Variants in EXOC6 observed in about 807,000 individuals in gnomAD.
EXOC6 encodes the protein SEC15-like 1.
A neutral mutation model predicts 112.5 loss-of-function variants in EXOC6; 60 were observed. The observed-to-expected ratio is 0.53, with a 90% CI of 0.43 to 0.66. EXOC6 has a LOEUF of 0.66. EXOC6 is among the 30% of genes least tolerant of loss of function. EXOC6 has a pLI of 0.00. For synonymous variants in EXOC6, 295 were observed against 308.0 expected (o/e 0.96, Z 0.44); for missense variants, 855 against 957.1 (o/e 0.89, Z 1.41).
At chr10:93,018,058 A>G (rs1270123698) in intron 20 of EXOC6, among the ~76,000 whole-genome samples, 4 of 151,754 alleles carry the variant, frequency 2.6e-5, no homozygotes, top group Non-Finnish European at 5.9e-5. Context: ...TTTAAAAAAG[A>G]AATACATTCT....
intron 19 of EXOC6, chr10:92,999,378 TAAGCTGA>T (rs1166434997): frequency 3.0e-6 from 1 of 337,448 alleles, no homozygotes; most frequent in African/African-American, 2.3e-5. Flanking sequence ...TATAAGCTTT[TAAGCTGA>T]AAGTAATTTT....
At chr10:92,833,193 T>C (rs1196233693), upstream of EXOC6, among the ~76,000 whole-genome samples, 3 of 152,192 alleles carry the variant, frequency 2.0e-5, no homozygotes, top group African/African-American at 7.2e-5. Context: ...AGTCATTTAG[T>C]ATTGCTCTTG....
intron 9 of EXOC6, among the ~76,000 whole-genome samples, chr10:92,931,407 T>C (rs1852030201): frequency 6.6e-6 from 1 of 151,472 alleles, no homozygotes; most frequent in South Asian, 2.1e-4. Context: ...AGTTGACATA[T>C]AATAATTGTA....
intron 1 of EXOC6, among the ~76,000 whole-genome samples, chr10:92,868,085 A>G (rs1215358969): frequency 6.6e-6 from 1 of 152,088 alleles, no homozygotes; most frequent in African/African-American, 2.4e-5. Flanking sequence ...TATTTTATGA[A>G]ATAAAATTTA....
upstream of EXOC6, among the ~76,000 whole-genome samples, chr10:92,832,221 A>G (rs572280478): frequency 6.6e-6 from 1 of 152,306 alleles, no homozygotes; most frequent in Non-Finnish European, 1.5e-5. Context: ...AGCTTTCACA[A>G]TCATTCATTC....
intron 13 of EXOC6, among the ~76,000 whole-genome samples, chr10:92,947,178 A>C (rs1006150382): frequency 6.6e-6 from 1 of 152,352 alleles, no homozygotes; most frequent in South Asian, 2.1e-4. Flanking sequence ...CCCAAATATC[A>C]GTGGATGAAC....
intron 18 of EXOC6, among the ~76,000 whole-genome samples, chr10:92,977,867 C>T (rs1842690829): frequency 6.6e-6 from 1 of 152,050 alleles, no homozygotes; most frequent in Non-Finnish European, 1.5e-5. Flanking sequence ...CTAGAGGAAA[C>T]CCTGCTTTTT....
intron 18 of EXOC6, among the ~76,000 whole-genome samples, chr10:92,996,468 T>G (rs538131167): frequency 6.6e-6 from 1 of 152,138 alleles, no homozygotes; most frequent in East Asian, 1.9e-4. Flanking sequence ...ACACAAAAAA[T>G]TAGCCAGGCG....
intron 1 of EXOC6, among the ~76,000 whole-genome samples, chr10:92,838,938 T>G (rs970732778): frequency 6.6e-6 from 1 of 152,138 alleles, no homozygotes; most frequent in Non-Finnish European, 1.5e-5. Context: ...CCAGTCGTAG[T>G]GGTGCACGTC....
upstream of EXOC6, chr10:92,848,448 C>T: frequency 2.9e-6 from 3 of 1,033,840 alleles, no homozygotes; most frequent in Non-Finnish European, 3.6e-6. Context: ...GCCCCCGCCC[C>T]GCCCCTTCGC....
intron 20 of EXOC6, among the ~76,000 whole-genome samples, chr10:93,054,883 A>G (rs1172760143): frequency 6.6e-6 from 1 of 152,130 alleles, no homozygotes; most frequent in Non-Finnish European, 1.5e-5. Context: ...ATTTATTTTA[A>G]TATATAAATA....
intron 1 of EXOC6, among the ~76,000 whole-genome samples, chr10:92,869,924 C>T (rs1433574212): frequency 2.1e-5 from 3 of 144,932 alleles, no homozygotes; most frequent in Non-Finnish European, 4.5e-5. Flanking sequence ...AGTATTTCTT[C>T]ATTAGGATAG....
intron 1 of EXOC6, among the ~76,000 whole-genome samples, chr10:92,869,792 TC>T (rs199872208): frequency 0.012 from 1,838 of 152,254 alleles, 37 homozygotes; most frequent in African/African-American, 0.042. Flanking sequence ...TAATTTTACT[TC>T]CTTTTCACTT....
intron 17 of EXOC6, among the ~76,000 whole-genome samples, chr10:92,968,874 T>G (rs1291511259): frequency 6.6e-6 from 1 of 152,132 alleles, no homozygotes; most frequent in Non-Finnish European, 1.5e-5. Context: ...CACCTTCCCA[T>G]TTTCCCAAAA....
At chr10:92,957,331 T>G (rs1404165847) in intron 17 of EXOC6, among the ~76,000 whole-genome samples, 1 of 152,172 alleles carries the variant, frequency 6.6e-6, no homozygotes, top group Non-Finnish European at 1.5e-5. Context: ...CCTTAGCATC[T>G]TGTGTTTCTA....
chr10:92,930,086 G>C (rs750620874), intron 9 of EXOC6, among the ~76,000 whole-genome samples: 1 of 152,214 alleles, frequency 6.6e-6, no homozygotes, highest in Non-Finnish European at 1.5e-5. Flanking sequence ...ATTATCAGCT[G>C]TCTTGATCTG....
At chr10:92,897,362 G>T (rs550309567) in intron 4 of EXOC6, among the ~76,000 whole-genome samples, 1 of 152,264 alleles carries the variant, frequency 6.6e-6, no homozygotes, top group Non-Finnish European at 1.5e-5. Flanking sequence ...TTATAAATGT[G>T]TGTGTGAGGC....
intron 20 of EXOC6, among the ~76,000 whole-genome samples, chr10:93,032,899 CTG>C (rs1845334573): frequency 6.6e-6 from 1 of 152,052 alleles, no homozygotes; most frequent in African/African-American, 2.4e-5. Flanking sequence ...GAGCACATAA[CTG>C]AGTGAAATTG....
At chr10:92,860,044 A>G (rs556128370) in intron 1 of EXOC6, among the ~76,000 whole-genome samples, 42 of 152,204 alleles carry the variant, frequency 2.8e-4, no homozygotes, top group African/African-American at 1.0e-3. Flanking sequence ...AAAAGGAATA[A>G]GTGACAGAAT....
Sources: gnomAD v4.1 joint callset for allele counts (sites outside exome capture counted in the v4.1 genomes callset) on GRCh38, gnomAD v4.1.1 for gene constraint, MANE v1.5 for transcripts, NCBI Gene and HGNC (gene_info 2026-07-23, HGNC 2026-07-21) for gene names.